The following KIAA1755 variants were observed in gnomAD, a reference collection of about 807,000 sequenced individuals.
The protein encoded by KIAA1755 is KIAA1755.
A neutral mutation model predicts 91.7 loss-of-function variants in KIAA1755; 68 were observed. That is an observed-to-expected ratio of 0.74 (90% CI 0.61 to 0.91). The LOEUF (loss-of-function observed/expected upper bound fraction) is 0.91, where lower values mean the gene tolerates loss of function less well. KIAA1755 is among the 40% of genes least tolerant of loss of function. KIAA1755 has a pLI of 0.00. For missense variants in KIAA1755, 1,535 were observed against 1,494.4 expected, an observed-to-expected ratio of 1.03 and a Z score of -0.45; for synonymous variants, 610 against 604.6, an observed-to-expected ratio of 1.01 and a Z score of -0.13.
chr20:38,217,508 A>G, intron 12 of KIAA1755, 34 bp from the exon 13 acceptor site: 1 of 1,510,266 alleles, frequency 6.6e-7, no homozygotes, highest in Non-Finnish European at 9.0e-7. Context: ...CCCACTCAGC[A>G]CCCACCTTGG....
At chr20:38,240,357 T>C (rs973453689) in intron 3 of KIAA1755, among the ~76,000 whole-genome samples, 10 of 152,212 alleles carry the variant, frequency 6.6e-5, no homozygotes, top group African/African-American at 2.4e-4. Flanking sequence ...AGCCAGTGTA[T>C]GGCAAAGGTG....
chr20:38,216,534 G>C (rs368613067), intron 13 of KIAA1755, among the ~76,000 whole-genome samples: 3 of 152,190 alleles, frequency 2.0e-5, no homozygotes, highest in East Asian at 3.9e-4. Flanking sequence ...CCAGCCATGG[G>C]GGTCCCTGTC....
In KIAA1755 at chr20:38,213,741, C is replaced by A; in HGVS notation, c.2904G>T (p.Met968Ile). The change falls in exon 14 of 14, where the codon ATG becomes ATT. Residue 968 changes from methionine (M) to isoleucine (I), a missense_variant and splice_region_variant. Met to Ile is a conservative substitution (Grantham distance 10). Transcript: ENST00000279024. Reference sequence around the variant, plus strand: ...CCTGACAGTCCATGTGGAACCAGGTCATCTGGGGGACAAGAAGAGAGGGAG... The same window carrying A: ...CCTGACAGTCCATGTGGAACCAGGTAATCTGGGGGACAAGAAGAGAGGGAG... ...LLHLHRFCKR[M>I]TWFHMDCQDL... 2 of 1,462,412 alleles carry A rather than the reference C, an allele frequency of 1.4e-6. No homozygotes were observed. The highest frequency in any genetic ancestry group is 2.8e-5 in the South Asian group (2 of 70,226). The allele number at this position is 1,462,412 out of a possible 1,614,324, so 90.6% of individuals were successfully genotyped here.
chr20:38,248,140 A>T (rs1319682189), intron 1 of KIAA1755, among the ~76,000 whole-genome samples: 1 of 152,212 alleles, frequency 6.6e-6, no homozygotes, highest in Non-Finnish European at 1.5e-5. Flanking sequence ...AAGGCATGAG[A>T]ATTGCTTGAA....
intron 4 of KIAA1755, chr20:38,233,765 G>T (rs1600611132): frequency 6.6e-6 from 1 of 152,086 alleles, no homozygotes; most frequent in African/African-American, 2.4e-5. Context: ...GCATTGAAGT[G>T]TCTCAGGCTC....
chr20:38,215,588 A>G (rs2075530649), intron 13 of KIAA1755, among the ~76,000 whole-genome samples: 1 of 152,228 alleles, frequency 6.6e-6, no homozygotes, highest in African/African-American at 2.4e-5. Flanking sequence ...GGGTGTCTGC[A>G]AAGAGGGGAT....
chr20:38,235,678 G>A lies in KIAA1755; in HGVS notation c.1747+3850C>T, dbSNP rs536914834. ...AAAGAATGCAGCTCTGCAGACAGCT[G>A]GATGTAGCCTAGCGAGATCCATGTT... On this transcript the variant is annotated intron_variant, in intron 4 of 13. Coordinates refer to ENST00000279024, the MANE Select transcript of KIAA1755 (RefSeq NM_001029864.2). Among the ~76,000 whole-genome samples, 10 of 152,322 alleles carry A rather than the reference G, an allele frequency of 6.6e-5. No homozygotes were observed. In the South Asian group the frequency reaches 1.9e-3, roughly 28 times the overall value.
chr20:38,242,096 G>C (rs1004411067), intron 2 of KIAA1755, among the ~76,000 whole-genome samples, 167 bp from the exon 3 acceptor site: 2 of 152,152 alleles, frequency 1.3e-5, no homozygotes, highest in African/African-American at 4.8e-5. Context: ...TGACTCTCCT[G>C]CCCCACCCTC....
intron 6 of KIAA1755, 35 bp from the exon 7 acceptor site, chr20:38,227,275 C>T: frequency 9.8e-6 from 15 of 1,531,512 alleles, no homozygotes; most frequent in Non-Finnish European, 1.4e-5. Context: ...TTGCTCTGCC[C>T]AAGGCTTCAT....
intron 7 of KIAA1755, among the ~76,000 whole-genome samples, chr20:38,226,161 C>T (rs1372238540): frequency 6.6e-6 from 1 of 152,192 alleles, no homozygotes; most frequent in East Asian, 1.9e-4. Context: ...GTAATCTTTG[C>T]ACAGTTCCCT....
At chr20:38,245,006 A>C (rs1227209576) in intron 2 of KIAA1755, among the ~76,000 whole-genome samples, 2 of 152,168 alleles carry the variant, frequency 1.3e-5, no homozygotes, top group African/African-American at 4.8e-5. Context: ...GATTACAGGC[A>C]TGAGCCACCA....
At position 38,213,252 on chromosome 20, in the gene KIAA1755, G is replaced by T. The variant is rs2075481085; in HGVS notation, c.3393C>A (p.Gly1131=). 1 of 1,613,242 alleles carries T rather than the reference G, an allele frequency of 6.2e-7. No individual in the cohort carries two copies. Among genetic ancestry groups the T allele is most frequent in the Non-Finnish European group, 8.5e-7 (1 of 1,180,012 alleles). ...TGCCGTCTTCAGCCTCTGCAGCCTG[G>T]CCAGCTTCCTGGGGTGGAGAGCCTG... ...FQAGSPPQEA[G]QAAEAEDGKG... The change falls in exon 14 of 14, where the codon GGC becomes GGA. Residue 1131 remains glycine (G), a synonymous_variant. Coordinates refer to ENST00000279024, the MANE Select transcript of KIAA1755 (RefSeq NM_001029864.2).
rs549044560 is a variant in KIAA1755 at position 38,231,445 on chromosome 20, CCTT to C, written c.1748-123_1748-121del. The stretch of plus-strand genomic sequence containing the variant: ...CCTTTGCCTGGAACACCCTTTCTCT[CCTT>C]CTCCTTCTGTGAACTCTGACTTCTA... On this transcript the variant is annotated intron_variant, in intron 4 of 13. Transcript: ENST00000279024. The C allele has an allele frequency of 4.9e-5, 56 of 1,133,858 alleles. No homozygotes were observed. The East Asian group carries it at 1.2e-3, about 25-fold the overall frequency. The allele number at this position is 1,133,858 out of a possible 1,614,324, so 70.2% of individuals were successfully genotyped here. A position where few individuals can be genotyped will look rare whatever the true frequency, so the allele number is the denominator to read the frequency against.
intron 4 of KIAA1755, among the ~76,000 whole-genome samples, chr20:38,232,099 T>C (rs2075875266): frequency 6.6e-6 from 1 of 151,940 alleles, no homozygotes; most frequent in African/African-American, 2.4e-5. Flanking sequence ...ACCACACCTG[T>C]CTCGCAGCCT....
chr20:38,246,963 C>G (rs898895535), intron 1 of KIAA1755, among the ~76,000 whole-genome samples: 2 of 152,206 alleles, frequency 1.3e-5, no homozygotes, highest in Non-Finnish European at 2.9e-5. Context: ...AGGTGCTCCG[C>G]GCTGTCCCCT....
intron 10 of KIAA1755, among the ~76,000 whole-genome samples, chr20:38,220,183 C>T (rs573365407): frequency 6.6e-6 from 1 of 152,312 alleles, no homozygotes; most frequent in East Asian, 1.9e-4. Flanking sequence ...AACGCCCTGG[C>T]CCTCAACTCT....
chr20:38,259,817 C>CA (rs1403601156), intron 1 of KIAA1755, among the ~76,000 whole-genome samples: 4 of 116,236 alleles, frequency 3.4e-5, no homozygotes, highest in African/African-American at 1.5e-4. Flanking sequence ...GCCACCACCA[C>CA]CACCACACAC....
rs1356963298 is a variant in KIAA1755 at position 38,213,323 on chromosome 20, A to G, written c.3322T>C (p.Trp1108Arg). The change falls in exon 14 of 14, where the codon TGG becomes CGG. Residue 1108 changes from tryptophan (W) to arginine (R), a missense_variant. Transcript: ENST00000279024. ...LGMDHLPKSY[W>R]PPGPPRGEQN... ...TCCCCTCTGGGGGGCCCAGGAGGCCAATAGGACTTTGGCAAATGGTCCATG... is the reference window on the plus strand; with the variant it reads ...TCCCCTCTGGGGGGCCCAGGAGGCCGATAGGACTTTGGCAAATGGTCCATG... The G allele has an allele frequency of 6.2e-7, 1 of 1,613,170 alleles. No individual in the cohort carries two copies. The highest frequency in any genetic ancestry group is 1.1e-5 in the South Asian group (1 of 90,876).
At position 38,210,519 on chromosome 20, in the gene KIAA1755, G is replaced by A. The variant is rs1326911865; in HGVS notation, c.*2523C>T. On this transcript the variant is annotated 3_prime_UTR_variant, in exon 14 of 14. Transcript: ENST00000279024. Reference sequence around the variant, plus strand: ...AAAGAAATGTTAGCTGTTATTATTCGATATTTTTATACATTGTTACTCATT... The same window carrying A: ...AAAGAAATGTTAGCTGTTATTATTCAATATTTTTATACATTGTTACTCATT... 1.3e-5 allele frequency: 2 copies of A among 152,196 alleles called. No individual in the cohort carries two copies. Among genetic ancestry groups the A allele is most frequent in the African/African-American group, 2.4e-5 (1 of 41,440 alleles). 9.4% of individuals were successfully genotyped at this position (152,196 alleles called of 1,614,324 possible).
Sources: gnomAD v4.1 joint callset for allele counts (sites outside exome capture counted in the v4.1 genomes callset) on GRCh38, gnomAD v4.1.1 for gene constraint, MANE v1.5 for transcripts, NCBI Gene and HGNC (gene_info 2026-07-23, HGNC 2026-07-21) for gene names.